The following RBFOX1 variants were observed in gnomAD, a reference collection of about 807,000 sequenced individuals.
RBFOX1 encodes the protein RNA binding fox-1 homolog 1.
Under a neutral mutation model 57.7 loss-of-function variants are expected in RBFOX1, and 8 were observed. The ratio of observed to expected loss-of-function variants is 0.14; its 90% confidence interval spans 0.08 to 0.25. The LOEUF (loss-of-function observed/expected upper bound fraction) is 0.25, where lower values mean the gene tolerates loss of function less well. Ranked by LOEUF, RBFOX1 falls within the 10% of genes least tolerant of loss-of-function variation. The probability of loss-of-function intolerance (pLI) is 1.00; values close to 1 mark genes in which losing one functional copy is unlikely to be tolerated. For synonymous variants in RBFOX1, 326 were observed against 222.4 expected (o/e 1.47, Z -4.15); for missense variants, 611 against 548.5 (o/e 1.11, Z -1.14).
At chr16:5,711,241 A>T (rs1364675707) in intron 3 of RBFOX1, among the ~76,000 whole-genome samples, 2 of 152,374 alleles carry the variant, frequency 1.3e-5, no homozygotes, top group East Asian at 3.9e-4. Flanking sequence ...AATCTGCAGA[A>T]TAACCCTGTA....
intron 1 of RBFOX1, among the ~76,000 whole-genome samples, chr16:6,265,718 T>C (rs2074398124): frequency 6.6e-6 from 1 of 152,216 alleles, no homozygotes; most frequent in South Asian, 2.1e-4. Context: ...AGCTTTTCTT[T>C]ACCATGTTAG....
chr16:6,695,055 GAGA>G (rs1377470433), intron 3 of RBFOX1, among the ~76,000 whole-genome samples: 2 of 152,102 alleles, frequency 1.3e-5, no homozygotes, highest in Non-Finnish European at 1.5e-5. Context: ...GATGCATATG[GAGA>G]AGAACTTTTA....
chr16:6,131,976 C>G (rs901980347), intron 1 of RBFOX1, among the ~76,000 whole-genome samples: 1 of 152,140 alleles, frequency 6.6e-6, no homozygotes, highest in African/African-American at 2.4e-5. Flanking sequence ...GATCTGCCTT[C>G]GTGATGATTT....
intron 4 of RBFOX1, among the ~76,000 whole-genome samples, chr16:7,139,398 A>T (rs762715939): frequency 6.6e-6 from 1 of 152,102 alleles, no homozygotes; most frequent in Non-Finnish European, 1.5e-5. Context: ...CACTAACTCT[A>T]TTCCTTTTCC....
intron 3 of RBFOX1, among the ~76,000 whole-genome samples, chr16:6,974,849 C>G (rs752181100): frequency 1.3e-5 from 2 of 152,148 alleles, no homozygotes; most frequent in Non-Finnish European, 1.5e-5. Context: ...ATTTTACTCG[C>G]ATTCAGTGCT....
chr16:5,819,266 G>A (rs781000262), intron 3 of RBFOX1, among the ~76,000 whole-genome samples: 22 of 152,150 alleles, frequency 1.4e-4, no homozygotes, highest in Non-Finnish European at 2.6e-4. Flanking sequence ...GATCATACGA[G>A]CTCTCTGGGA....
chr16:6,324,477 A>C (rs1370359674), intron 2 of RBFOX1, among the ~76,000 whole-genome samples: 1 of 152,208 alleles, frequency 6.6e-6, no homozygotes, highest in Non-Finnish European at 1.5e-5. Context: ...GTTATGGCAG[A>C]AGGCAGAAGG....
chr16:6,455,140 G>T (rs1320158796), intron 2 of RBFOX1, among the ~76,000 whole-genome samples: 1 of 150,378 alleles, frequency 6.6e-6, no homozygotes, highest in African/African-American at 2.5e-5. Context: ...GGATCCACCC[G>T]CCCTGGCCTC....
At chr16:6,292,047 G>A (rs1310844291) in intron 1 of RBFOX1, among the ~76,000 whole-genome samples, 4 of 152,258 alleles carry the variant, frequency 2.6e-5, no homozygotes, top group Non-Finnish European at 5.9e-5. Flanking sequence ...CACTGTCAGT[G>A]AATACTGCTG....
At chr16:5,852,962 G>C (rs905850347) in intron 3 of RBFOX1, among the ~76,000 whole-genome samples, 1 of 152,158 alleles carries the variant, frequency 6.6e-6, no homozygotes, top group African/African-American at 2.4e-5. Flanking sequence ...GTTACGCTCT[G>C]AGTTACTTCG....
intron 13 of RBFOX1, among the ~76,000 whole-genome samples, chr16:7,665,729 A>T (rs894222057): frequency 6.6e-6 from 1 of 152,216 alleles, no homozygotes; most frequent in African/African-American, 2.4e-5. Flanking sequence ...ATAAGTAGGC[A>T]GTGTTGGGAG....
intron 1 of RBFOX1, among the ~76,000 whole-genome samples, chr16:6,079,324 A>C (rs2095961961): frequency 6.6e-6 from 1 of 151,658 alleles, no homozygotes; most frequent in Non-Finnish European, 1.5e-5. Context: ...AAATAAAATA[A>C]ATAGGGAGAT....
At chr16:5,854,800 A>G (rs1597500021) in intron 3 of RBFOX1, among the ~76,000 whole-genome samples, 1 of 152,156 alleles carries the variant, frequency 6.6e-6, no homozygotes, top group Non-Finnish European at 1.5e-5. Flanking sequence ...TGGAACCTCC[A>G]TACTGCTTTC....
chr16:7,206,880 A>G (rs1050221456), intron 4 of RBFOX1, among the ~76,000 whole-genome samples: 2 of 152,122 alleles, frequency 1.3e-5, no homozygotes. Context: ...GGCTGGAGAA[A>G]CCGTCTTAAC....
At chr16:6,729,402 T>G (rs2067995443) in intron 3 of RBFOX1, among the ~76,000 whole-genome samples, 1 of 152,220 alleles carries the variant, frequency 6.6e-6, no homozygotes, top group Non-Finnish European at 1.5e-5. Flanking sequence ...AAGTACCTTT[T>G]ATCTTCTGCA....
intron 3 of RBFOX1, among the ~76,000 whole-genome samples, chr16:5,732,334 A>G (rs1645288780): frequency 6.6e-6 from 1 of 152,228 alleles, no homozygotes; most frequent in Admixed American, 6.5e-5. Context: ...CTTCATTAAA[A>G]TTACAGTAAC....
intron 4 of RBFOX1, among the ~76,000 whole-genome samples, chr16:7,433,975 T>C (rs2098702678): frequency 6.6e-6 from 1 of 152,078 alleles, no homozygotes. Flanking sequence ...CAATTTTGAG[T>C]ATTTGTGAGA....
At position 5,751,363 on chromosome 16, in the gene RBFOX1, C is replaced by T. The variant is rs76070127; in HGVS notation, c.319-115940C>T. ...GCATCCCTTATCTTTCTTTTTCTCT[C>T]GGGGAGCTTTCATACTGATTACGTC... On this transcript the variant is annotated intron_variant, in intron 3 of 19. Transcript: ENST00000641259. Among the ~76,000 whole-genome samples, 51 of 152,142 alleles carry T rather than the reference C, an allele frequency of 3.4e-4. No individual in the cohort carries two copies. In the East Asian group the frequency reaches 5.8e-3, roughly 17 times the overall value.
intron 3 of RBFOX1, among the ~76,000 whole-genome samples, chr16:5,862,464 A>G (rs1328459378): frequency 1.3e-5 from 2 of 152,200 alleles, no homozygotes; most frequent in East Asian, 3.9e-4. Flanking sequence ...TAAATACTGG[A>G]GGCAGGGATG....
Sources: gnomAD v4.1 joint callset for allele counts (sites outside exome capture counted in the v4.1 genomes callset) on GRCh38, gnomAD v4.1.1 for gene constraint, MANE v1.5 for transcripts, NCBI Gene and HGNC (gene_info 2026-07-23, HGNC 2026-07-21) for gene names.